Variants in KLHL5 observed in about 807,000 individuals in gnomAD.
KLHL5 encodes the protein kelch like family member 5.
KLHL5 carries 48 observed loss-of-function variants against 77.7 expected under a neutral mutation model. The ratio of observed to expected loss-of-function variants is 0.62; its 90% CI spans 0.49 to 0.79. The LOEUF (loss-of-function observed/expected upper bound fraction) is 0.79. Ranked by LOEUF, KLHL5 falls within the 30% of genes least tolerant of loss-of-function variation. The probability of loss-of-function intolerance (pLI) is 0.00; values close to 1 mark genes in which losing one functional copy is unlikely to be tolerated. For missense variants in KLHL5, 723 were observed against 859.7 expected, an observed-to-expected ratio of 0.84 and a Z score of 1.99; for synonymous variants, 260 against 297.0, an observed-to-expected ratio of 0.88 and a Z score of 1.28.
At chr4:39,142,351 C>T in the KLHL5 span, among the ~76,000 whole-genome samples, 3 of 150,526 alleles carry the variant, frequency 2.0e-5, no homozygotes, top group African/African-American at 4.9e-5. Flanking sequence ...GCTGAGATCG[C>T]GCCATTGCAC....
chr4:39,093,130 A>C (rs950564257), intron 5 of KLHL5: 1 of 456,036 alleles, frequency 2.2e-6, no homozygotes, highest in East Asian at 6.9e-5. Flanking sequence ...GAATGGATAG[A>C]TAAAATGAGG....
chr4:39,077,344 C>T (rs1203317213), intron 2 of KLHL5, among the ~76,000 whole-genome samples: 1 of 151,992 alleles, frequency 6.6e-6, no homozygotes, highest in Non-Finnish European at 1.5e-5. Context: ...CACTTGTAGT[C>T]CCAGCTACTC....
Position 39,062,382 on chromosome 4 carries a change from T to C in KLHL5, c.-271T>C. The C allele has an allele frequency of 6.9e-7, 1 of 1,448,318 alleles. No individual in the cohort carries two copies. Among genetic ancestry groups the C allele is most frequent in the East Asian group, 2.5e-5 (1 of 40,218 alleles). The allele number at this position is 1,448,318 out of a possible 1,614,324, so 89.7% of individuals were successfully genotyped here. On this transcript the variant is annotated 5_prime_UTR_variant, in exon 1 of 11. Coordinates refer to ENST00000504108, the MANE Select transcript of KLHL5 (RefSeq NM_015990.5). The stretch of plus-strand genomic sequence containing the variant: ...GGAAAGGAGAGCCGGGAAAGTGGTC[T>C]AGCTGCTTCAGGATAGGTGGATGAG...
chr4:39,062,712 G>A lies in KLHL5; in HGVS notation c.60G>A (p.Trp20Ter). 2 of 1,614,124 alleles carry A rather than the reference G, an allele frequency of 1.2e-6. No individual in the cohort carries two copies. Among genetic ancestry groups the A allele is most frequent in the Non-Finnish European group, 1.7e-6 (2 of 1,179,986 alleles). Reference protein sequence around the residue: ...VKQILKIRWRWFGHQASSPNS... With the variant: ...VKQILKIRWR ...AGATTTTGAAAATCAGATGGAGGTG[G>A]TTTGGTCATCAAGCATCATCTCCTA... Residue 20 changes from tryptophan to a stop codon, truncating the protein, a stop_gained, in exon 1 of 11, where the codon TGG becomes TGA. Transcript: ENST00000504108. LOFTEE classifies it high-confidence loss of function.
At chr4:39,080,999 T>C (rs1719563245) in intron 2 of KLHL5, 104 bp from the exon 3 acceptor site, 15 of 1,111,030 alleles carry the variant, frequency 1.4e-5, no homozygotes, top group Non-Finnish European at 1.9e-5. Context: ...CATTTCCTAG[T>C]ACCATGCACT....
intron 4 of KLHL5, among the ~76,000 whole-genome samples, chr4:39,082,992 CA>C: frequency 6.6e-6 from 1 of 152,036 alleles, no homozygotes; most frequent in Middle Eastern, 3.4e-3. Context: ...CAGTTTAGGG[CA>C]ATACAGTTTC....
chr4:39,078,635 C>A (rs2109364119), intron 2 of KLHL5, among the ~76,000 whole-genome samples: 1 of 152,102 alleles, frequency 6.6e-6, no homozygotes, highest in Admixed American at 6.5e-5. Flanking sequence ...GCAGAGGTTG[C>A]AATGAGCCAA....
At chr4:39,050,035 A>G (rs1334825464) in intron 1 of KLHL5, among the ~76,000 whole-genome samples, 4 of 152,178 alleles carry the variant, frequency 2.6e-5, no homozygotes, top group African/African-American at 9.7e-5. Flanking sequence ...ACATCACGCC[A>G]CTGCACTTCA....
chr4:39,141,618 T>C, the KLHL5 span, among the ~76,000 whole-genome samples: 4 of 152,148 alleles, frequency 2.6e-5, no homozygotes, highest in South Asian at 6.2e-4. Context: ...GCCTATTTTT[T>C]AGTCTTGAGA....
chr4:39,088,530 A>G lies in KLHL5; in HGVS notation c.1113+1803A>G, dbSNP rs556997710. 3.9e-5 allele frequency among the ~76,000 whole-genome samples: 6 copies of G among 152,264 alleles called. No individual in the cohort carries two copies. In the East Asian group the frequency reaches 1.2e-3, roughly 29 times the overall value. ...TACAGTTCTGTGCCTTGTCCACTAAACCATTCTGCCTCTTGAGTGTACTGT... is the reference window on the plus strand; with the variant it reads ...TACAGTTCTGTGCCTTGTCCACTAAGCCATTCTGCCTCTTGAGTGTACTGT... On this transcript the variant is annotated intron_variant, in intron 5 of 10. Coordinates refer to ENST00000504108, the MANE Select transcript of KLHL5 (RefSeq NM_015990.5).
the KLHL5 span, among the ~76,000 whole-genome samples, chr4:39,140,297 A>G: frequency 6.6e-6 from 1 of 152,324 alleles, no homozygotes; most frequent in African/African-American, 2.4e-5. Context: ...CTTTCGCTAT[A>G]AAGGACATTA....
intron 1 of KLHL5, among the ~76,000 whole-genome samples, chr4:39,072,412 T>C (rs561223997): frequency 2.6e-5 from 4 of 152,146 alleles, no homozygotes; most frequent in Admixed American, 2.6e-4. Flanking sequence ...TCCAGAATTA[T>C]ACATAGTGAG....
At chr4:39,068,861 A>G (rs1718145445) in intron 1 of KLHL5, among the ~76,000 whole-genome samples, 1 of 152,228 alleles carries the variant, frequency 6.6e-6, no homozygotes, top group Admixed American at 6.5e-5. Flanking sequence ...CTACGTAACT[A>G]CATAACTTGC....
intron 8 of KLHL5, among the ~76,000 whole-genome samples, chr4:39,108,507 T>C (rs1722211238): frequency 6.6e-6 from 1 of 152,170 alleles, no homozygotes; most frequent in Non-Finnish European, 1.5e-5. Context: ...TGAAATTTTT[T>C]ATATTTTAGG....
At chr4:39,131,113 A>G (rs571286571), downstream of KLHL5, among the ~76,000 whole-genome samples, 1 of 150,396 alleles carries the variant, frequency 6.6e-6, no homozygotes, top group South Asian at 2.1e-4. Context: ...TTGGCCTCCC[A>G]AAGTGCTAGG....
rs1388188305 is a variant in KLHL5, at chr4:39,122,824, TAAAA to T, written c.*1765_*1768del. On this transcript the variant is annotated 3_prime_UTR_variant, in exon 11 of 11. Coordinates refer to ENST00000504108, the MANE Select transcript of KLHL5 (RefSeq NM_015990.5). ...CGAGACTCCATCAAAAAAAAATAAA[TAAAA>T]AAAAAATAAAAGATTTCATTTTATG... Among the ~76,000 whole-genome samples, 2 of 150,104 alleles carry T rather than the reference TAAAA, an allele frequency of 1.3e-5. No individual in the cohort carries two copies. Among genetic ancestry groups the T allele is most frequent in the East Asian group, 2.0e-4 (1 of 5,124 alleles).
Position 39,101,127 on chromosome 4 carries a change from T to TATAC in KLHL5, c.1301-2157_1301-2156insCATA, listed in dbSNP as rs1491147788. 1.3e-4 allele frequency among the ~76,000 whole-genome samples: 18 copies of TATAC among 137,548 alleles called. 1 individual carries two copies. The highest frequency in any genetic ancestry group is 3.9e-4 in the African/African-American group (13 of 33,202). 90.2% of individuals were successfully genotyped at this position (137,548 alleles called of 152,430 possible). A position where few individuals can be genotyped will look rare whatever the true frequency, so the allele number is the denominator to read the frequency against. On this transcript the variant is annotated intron_variant, in intron 6 of 10. Transcript: ENST00000504108. ...TTGTTAATTTTGGATATTTGGATTT[T>TATAC]ATATATATATATATATATATCTACC...
chr4:39,120,015 G>C (rs1191056035), intron 10 of KLHL5: 1 of 152,130 alleles, frequency 6.6e-6, no homozygotes, highest in Non-Finnish European at 1.5e-5. Flanking sequence ...AGTCTGACCT[G>C]TTCTTAAAAT....
chr4:39,118,481 C>T (rs570340190), intron 10 of KLHL5, among the ~76,000 whole-genome samples: 28 of 152,224 alleles, frequency 1.8e-4, no homozygotes, highest in South Asian at 1.2e-3. Flanking sequence ...GGGGGCAGGG[C>T]GCAGTGGCTT....
Sources: gnomAD v4.1 joint callset for allele counts (sites outside exome capture counted in the v4.1 genomes callset) on GRCh38, gnomAD v4.1.1 for gene constraint, MANE v1.5 for transcripts, NCBI Gene and HGNC (gene_info 2026-07-23, HGNC 2026-07-21) for gene names.